The following OPCML variants were observed in gnomAD, a reference collection of about 807,000 sequenced individuals.
OPCML encodes the protein opioid-binding protein/cell adhesion molecule.
In OPCML, 13 loss-of-function variants were observed where a neutral mutation model predicts 37.8. That is an observed-to-expected ratio of 0.34 (90% CI 0.22 to 0.55). The LOEUF (loss-of-function observed/expected upper bound fraction) is 0.55, where lower values mean the gene tolerates loss of function less well. OPCML is among the 20% of genes least tolerant of loss of function. The pLI is 0.91. For missense variants in OPCML, 341 were observed against 435.6 expected, an observed-to-expected ratio of 0.78 and a Z score of 1.93; for synonymous variants, 176 against 168.8, an observed-to-expected ratio of 1.04 and a Z score of -0.33.
chr11:133,510,474 T>C (rs569105504), intron 1 of OPCML, among the ~76,000 whole-genome samples: 1 of 152,258 alleles, frequency 6.6e-6, no homozygotes, highest in South Asian at 2.1e-4. Context: ...TTCCTTATGA[T>C]GCAAATCGTT....
intron 1 of OPCML, among the ~76,000 whole-genome samples, chr11:133,163,737 G>A (rs1950174230): frequency 6.6e-6 from 1 of 152,184 alleles, no homozygotes; most frequent in African/African-American, 2.4e-5. Flanking sequence ...AACTTTAGCA[G>A]TGCAAAGAGG....
intron 1 of OPCML, among the ~76,000 whole-genome samples, chr11:133,041,256 C>T (rs984472189): frequency 2.0e-5 from 3 of 152,198 alleles, no homozygotes; most frequent in East Asian, 1.9e-4. Context: ...TTAGATAACG[C>T]TTGTAAAGCA....
At position 133,318,559 on chromosome 11, in the gene OPCML, T is replaced by A. The variant is rs34883910; in HGVS notation, c.61+213705A>T. On this transcript the variant is annotated intron_variant, in intron 1 of 7. Coordinates refer to ENST00000524381, the MANE Select transcript of OPCML (RefSeq NM_001012393.5). Reference sequence around the variant, plus strand: ...CCCATTTGCCAGGATATATTTGGAATTGAGCCAGTTCTACCCTAGACCTTT... The same window carrying A: ...CCCATTTGCCAGGATATATTTGGAAATGAGCCAGTTCTACCCTAGACCTTT... 2.5e-3 allele frequency among the ~76,000 whole-genome samples: 381 copies of A among 152,324 alleles called. 5 individuals carry two copies. The East Asian group carries it at 0.039, about 16-fold the overall frequency.
At chr11:132,663,693 G>A (rs1942083868) in intron 2 of OPCML, among the ~76,000 whole-genome samples, 1 of 152,170 alleles carries the variant, frequency 6.6e-6, no homozygotes, top group African/African-American at 2.4e-5. Flanking sequence ...AGGTTCCCAA[G>A]CGCTAGAATG....
At chr11:132,499,190 G>A (rs555830648) in intron 4 of OPCML, among the ~76,000 whole-genome samples, 1 of 152,324 alleles carries the variant, frequency 6.6e-6, no homozygotes, top group South Asian at 2.1e-4. Context: ...GCAGGGAGCT[G>A]AGGAAAGGGT....
chr11:132,906,346 C>T (rs1445465778), intron 2 of OPCML, among the ~76,000 whole-genome samples: 1 of 152,116 alleles, frequency 6.6e-6, no homozygotes, highest in African/African-American at 2.4e-5. Flanking sequence ...TTAAATAAAG[C>T]TATTTTGTTT....
intron 1 of OPCML, among the ~76,000 whole-genome samples, chr11:133,225,425 C>G (rs914813426): frequency 6.6e-6 from 1 of 152,330 alleles, no homozygotes; most frequent in South Asian, 2.1e-4. Context: ...CGTGACCTGA[C>G]TGACCTTCCA....
intron 3 of OPCML, among the ~76,000 whole-genome samples, chr11:132,548,454 C>G (rs930788467): frequency 6.6e-6 from 1 of 152,164 alleles, no homozygotes; most frequent in African/African-American, 2.4e-5. Flanking sequence ...GGGTGTTACT[C>G]TTATCCACCA....
intron 1 of OPCML, among the ~76,000 whole-genome samples, chr11:133,271,027 GGCTGATGAGGAAGGTTAC>G (rs1941812966): frequency 6.6e-6 from 1 of 152,120 alleles, no homozygotes; most frequent in Non-Finnish European, 1.5e-5. Context: ...TTTATGCTGA[GGCTGATGAGGAAGGTTAC>G]GCTGATCTAA....
At chr11:132,566,525 A>T (rs2096423594) in intron 3 of OPCML, among the ~76,000 whole-genome samples, 2 of 152,216 alleles carry the variant, frequency 1.3e-5, no homozygotes. Flanking sequence ...TTATTATGAG[A>T]TCTAAGATAC....
chr11:132,833,728 G>A (rs1049444907), intron 2 of OPCML, among the ~76,000 whole-genome samples: 12 of 152,130 alleles, frequency 7.9e-5, no homozygotes, highest in African/African-American at 2.9e-4. Flanking sequence ...TAGCTATGAT[G>A]TCACTAGGCC....
intron 1 of OPCML, among the ~76,000 whole-genome samples, chr11:133,041,390 C>A (rs1591942215): frequency 6.6e-6 from 1 of 152,212 alleles, no homozygotes; most frequent in African/African-American, 2.4e-5. Context: ...TGGCTGGGAG[C>A]TGCCTCTCAA....
intron 1 of OPCML, among the ~76,000 whole-genome samples, chr11:133,119,420 G>A (rs1949387276): frequency 6.6e-6 from 1 of 152,074 alleles, no homozygotes; most frequent in East Asian, 1.9e-4. Context: ...AGTTAGGAAT[G>A]CCATAATTAG....
intron 3 of OPCML, among the ~76,000 whole-genome samples, chr11:132,643,834 A>AGT (rs1941000042): frequency 6.6e-6 from 1 of 152,132 alleles, no homozygotes; most frequent in Non-Finnish European, 1.5e-5. Context: ...TGTGCCTAGA[A>AGT]GTGTGTGTGT....
chr11:133,000,816 G>A (rs528279537), intron 1 of OPCML, among the ~76,000 whole-genome samples: 2 of 152,332 alleles, frequency 1.3e-5, no homozygotes, highest in South Asian at 2.1e-4. Flanking sequence ...GTGGGGCCTG[G>A]TGGGAGGTGT....
At chr11:132,517,046 A>G (rs1290321695) in intron 4 of OPCML, among the ~76,000 whole-genome samples, 1 of 152,148 alleles carries the variant, frequency 6.6e-6, no homozygotes, top group Non-Finnish European at 1.5e-5. Flanking sequence ...GTCTTTTCAC[A>G]GCTGGTTAGG....
intron 1 of OPCML, among the ~76,000 whole-genome samples, chr11:133,159,457 T>G (rs1222868675): frequency 6.6e-6 from 1 of 152,162 alleles, no homozygotes; most frequent in Non-Finnish European, 1.5e-5. Flanking sequence ...GCACCAAGAC[T>G]GACAGAGGGG....
intron 1 of OPCML, among the ~76,000 whole-genome samples, chr11:133,181,970 G>A (rs1358626131): frequency 6.6e-6 from 1 of 152,172 alleles, no homozygotes; most frequent in Non-Finnish European, 1.5e-5. Context: ...AGGCCAAGCA[G>A]GGCCCAGAAA....
chr11:132,423,349 G>A (rs2095966623), intron 7 of OPCML, among the ~76,000 whole-genome samples: 1 of 152,188 alleles, frequency 6.6e-6, no homozygotes, highest in Non-Finnish European at 1.5e-5. Flanking sequence ...GGGCTATTGT[G>A]GCCAGAGAAT....
Sources: allele counts gnomAD v4.1 joint callset (sites outside exome capture counted in the v4.1 genomes callset), GRCh38; gene constraint gnomAD v4.1.1; transcripts MANE v1.5; gene names NCBI Gene and HGNC (gene_info 2026-07-23, HGNC 2026-07-21).